NXPH1: variants seen among roughly 807,000 people sequenced by gnomAD.
NXPH1 encodes the protein neurexophilin 1, also known as neurexophilin-1.
NXPH1 carries 5 observed loss-of-function variants against 23.7 expected under a neutral mutation model. The observed-to-expected ratio is 0.21, with a 90% CI of 0.11 to 0.44. NXPH1 has a LOEUF of 0.44. Among genes scored for constraint, NXPH1 ranks in the 20% least tolerant of loss-of-function variants. The probability of loss-of-function intolerance (pLI) is 0.99; values close to 1 mark genes in which losing one functional copy is unlikely to be tolerated. For synonymous variants in NXPH1, 144 were observed against 122.2 expected (o/e 1.18, Z -1.18); for missense variants, 324 against 321.6 (o/e 1.01, Z -0.06).
chr7:8,530,777 CT>C (rs1817939200), intron 2 of NXPH1, among the ~76,000 whole-genome samples: 1 of 152,164 alleles, frequency 6.6e-6, no homozygotes, highest in African/African-American at 2.4e-5. Flanking sequence ...ATTCAGACAT[CT>C]GGTTTGTACT....
intron 2 of NXPH1, among the ~76,000 whole-genome samples, chr7:8,492,649 A>G (rs1249878096): frequency 6.6e-6 from 1 of 152,010 alleles, no homozygotes; most frequent in Non-Finnish European, 1.5e-5. Flanking sequence ...CACATGGAAG[A>G]TGGCGCCATC....
Position 8,443,115 on chromosome 7 carries a change from C to T in NXPH1, c.54+7348C>T, listed in dbSNP as rs1015281914. The stretch of plus-strand genomic sequence containing the variant: ...CGCAGATACCTCCTCAAGGCCCGCT[C>T]GCGACTGTGACGACCCGCCTACCCC... On this transcript the variant is annotated intron_variant, in intron 2 of 2. Transcript: ENST00000405863. Among the ~76,000 whole-genome samples, 3 of 152,208 alleles carry T rather than the reference C, an allele frequency of 2.0e-5. No homozygotes were observed. In the South Asian group the frequency reaches 6.2e-4, roughly 31 times the overall value.
rs1431026455 is a variant in NXPH1 at position 8,648,246 on chromosome 7, A to G, written c.55-102762A>G. 1.4e-4 allele frequency among the ~76,000 whole-genome samples: 21 copies of G among 152,286 alleles called. No individual in the cohort carries two copies. In the South Asian group the frequency reaches 1.5e-3, roughly 11 times the overall value. ...TAGTCACCCTGTTGTGCTATCAAATAGTAGGTTTTATTCATTCTTTTTTTT... is the reference window on the plus strand; with the variant it reads ...TAGTCACCCTGTTGTGCTATCAAATGGTAGGTTTTATTCATTCTTTTTTTT... On this transcript the variant is annotated intron_variant, in intron 2 of 2. Coordinates refer to ENST00000405863, the MANE Select transcript of NXPH1 (RefSeq NM_152745.3).
chr7:8,609,794 C>T lies in NXPH1; in HGVS notation c.55-141214C>T, dbSNP rs780589758. Among the ~76,000 whole-genome samples the T allele has an allele frequency of 1.4e-4, 21 of 152,146 alleles. 1 individual carries two copies. The highest frequency in any genetic ancestry group is 4.1e-4 in the South Asian group (2 of 4,828). The stretch of plus-strand genomic sequence containing the variant: ...TTTTTGTCTATTAATTTTAACATAA[C>T]AGAGACTGCAGTTCCCTTATATTTT... On this transcript the variant is annotated intron_variant, in intron 2 of 2. Coordinates refer to ENST00000405863, the MANE Select transcript of NXPH1 (RefSeq NM_152745.3).
At chr7:8,649,120 T>C (rs745593890) in intron 2 of NXPH1, among the ~76,000 whole-genome samples, 12 of 152,138 alleles carry the variant, frequency 7.9e-5, no homozygotes, top group Non-Finnish European at 1.5e-4. Context: ...TCAACCTTTA[T>C]ATACATCTCT....
At chr7:8,522,269 G>T (rs1022310202) in intron 2 of NXPH1, among the ~76,000 whole-genome samples, 2 of 152,142 alleles carry the variant, frequency 1.3e-5, no homozygotes, top group African/African-American at 4.8e-5. Context: ...CATGAGTCTA[G>T]CTCTATCCCT....
intron 2 of NXPH1, among the ~76,000 whole-genome samples, chr7:8,508,244 T>G (rs147128995): frequency 1.3e-5 from 2 of 152,138 alleles, no homozygotes; most frequent in Non-Finnish European, 2.9e-5. Context: ...TAGGTATATT[T>G]CAACCCAACA....
chr7:8,655,630 GATT>G (rs1428824500), intron 2 of NXPH1, among the ~76,000 whole-genome samples: 6 of 151,872 alleles, frequency 4.0e-5, no homozygotes, highest in Non-Finnish European at 5.9e-5. Flanking sequence ...TCTCATATAT[GATT>G]ATTGTTGATT....
chr7:8,468,797 G>A (rs924682724), intron 2 of NXPH1, among the ~76,000 whole-genome samples: 3 of 151,994 alleles, frequency 2.0e-5, no homozygotes, highest in African/African-American at 4.8e-5. Context: ...AGATTTGAGC[G>A]ACTATTCTAG....
chr7:8,539,751 T>A (rs1463104902), intron 2 of NXPH1, among the ~76,000 whole-genome samples: 1 of 151,808 alleles, frequency 6.6e-6, no homozygotes, highest in Admixed American at 6.6e-5. Context: ...AAAATTAAGG[T>A]TATAATTTTT....
At chr7:8,665,023 G>T (rs6463831) in intron 2 of NXPH1, among the ~76,000 whole-genome samples, 101,296 of 151,670 alleles carry the variant, frequency 0.67, 34,162 homozygotes, top group Middle Eastern at 0.78. Flanking sequence ...AGTTTTATAT[G>T]TTATGTAATC....
intron 2 of NXPH1, among the ~76,000 whole-genome samples, chr7:8,702,590 C>T (rs1178576180): frequency 6.6e-6 from 1 of 152,056 alleles, no homozygotes; most frequent in East Asian, 1.9e-4. Flanking sequence ...TTAAGATTAT[C>T]TATGAGTTTC....
chr7:8,622,542 A>G (rs1443942196), intron 2 of NXPH1, among the ~76,000 whole-genome samples: 3 of 152,204 alleles, frequency 2.0e-5, no homozygotes, highest in African/African-American at 7.2e-5. Flanking sequence ...ATTTGTGTTT[A>G]CTACTAGTGA....
chr7:8,666,161 A>C (rs901044130), intron 2 of NXPH1, among the ~76,000 whole-genome samples: 4 of 151,808 alleles, frequency 2.6e-5, no homozygotes, highest in Non-Finnish European at 5.9e-5. Context: ...TTCACCACTG[A>C]GTATGTTAGC....
intron 2 of NXPH1, among the ~76,000 whole-genome samples, chr7:8,615,043 C>T (rs1819705558): frequency 6.6e-6 from 1 of 152,038 alleles, no homozygotes; most frequent in South Asian, 2.1e-4. Flanking sequence ...TTCTAATTCT[C>T]ATCTCTTCTT....
At chr7:8,452,032 C>A (rs868529775) in intron 2 of NXPH1, among the ~76,000 whole-genome samples, 2 of 152,232 alleles carry the variant, frequency 1.3e-5, no homozygotes, top group Admixed American at 1.3e-4. Flanking sequence ...ACTGGAAAAG[C>A]TGACAGAAGA....
chr7:8,546,252 A>G (rs1818196129), intron 2 of NXPH1, among the ~76,000 whole-genome samples: 3 of 151,414 alleles, frequency 2.0e-5, no homozygotes, highest in Non-Finnish European at 1.5e-5. Context: ...ACATGAAAGT[A>G]TGGTCCTCCC....
intron 2 of NXPH1, among the ~76,000 whole-genome samples, chr7:8,612,142 C>T (rs1034337898): frequency 6.6e-6 from 1 of 150,810 alleles, no homozygotes; most frequent in Non-Finnish European, 1.5e-5. Context: ...TTTTTCCCTT[C>T]CCCTTCTTTC....
rs188860606 is a variant in NXPH1 at position 8,455,199 on chromosome 7, A to G, written c.54+19432A>G. On this transcript the variant is annotated intron_variant, in intron 2 of 2. Coordinates refer to ENST00000405863, the MANE Select transcript of NXPH1 (RefSeq NM_152745.3). ...CTATATTGTCAGTTCTCCTATATAC[A>G]TAAATCTAATAAAAGGAGATTAAAG... is the stretch of plus-strand genomic sequence containing the variant. Among the ~76,000 whole-genome samples the G allele has an allele frequency of 4.6e-3, 694 of 152,312 alleles. 3 individuals are homozygous for G. The highest frequency in any genetic ancestry group is 6.9e-3 in the Non-Finnish European group (472 of 68,018).
Sources: allele counts gnomAD v4.1 joint callset (sites outside exome capture counted in the v4.1 genomes callset), GRCh38; gene constraint gnomAD v4.1.1; transcripts MANE v1.5; gene names NCBI Gene and HGNC (gene_info 2026-07-23, HGNC 2026-07-21).